Variants in STK3 observed in about 807,000 individuals in gnomAD.
STK3 encodes the protein serine/threonine-protein kinase 3.
A neutral mutation model predicts 58.0 loss-of-function variants in STK3; 41 were observed. The ratio of observed to expected loss-of-function variants is 0.71; its 90% CI spans 0.55 to 0.92. The LOEUF (loss-of-function observed/expected upper bound fraction) is 0.92. Ranked by LOEUF, STK3 falls within the 40% of genes least tolerant of loss-of-function variation. The probability of loss-of-function intolerance (pLI) is 0.00; values close to 1 mark genes in which losing one functional copy is unlikely to be tolerated. For synonymous variants in STK3, 170 were observed against 191.0 expected, an observed-to-expected ratio of 0.89 and a Z score of 0.91; for missense variants, 479 against 602.7, an observed-to-expected ratio of 0.79 and a Z score of 2.15.
chr8:98,548,632 G>C (rs934820987), intron 8 of STK3, among the ~76,000 whole-genome samples: 27 of 151,936 alleles, frequency 1.8e-4, no homozygotes, highest in Non-Finnish European at 3.5e-4. Context: ...CACCATTTTA[G>C]CAATTTTTAA....
intron 9 of STK3, among the ~76,000 whole-genome samples, chr8:98,535,262 A>C (rs1316076101): frequency 6.6e-6 from 1 of 152,170 alleles, no homozygotes; most frequent in Admixed American, 6.6e-5. Context: ...GTATTTCTAG[A>C]TAGCATTCTT....
At chr8:98,432,593 G>C (rs193277423) in intron 3 of STK3, 20 of 167,150 alleles carry the variant, frequency 1.2e-4, no homozygotes, top group African/African-American at 4.8e-4. Flanking sequence ...ACTTATCTTA[G>C]CACTCAAATA....
intron 9 of STK3, among the ~76,000 whole-genome samples, chr8:98,535,793 A>C (rs1336399558): frequency 6.6e-6 from 1 of 152,182 alleles, no homozygotes; most frequent in African/African-American, 2.4e-5. Flanking sequence ...AAAATCTCAG[A>C]AGTTGCTTTT....
In STK3 at chr8:98,914,492, A is replaced by ACACACT. The variant is rs1554701657; in HGVS notation, c.-79+27885_-79+27886insAGTGTG. 8.3e-4 allele frequency among the ~76,000 whole-genome samples: 113 copies of ACACACT among 136,382 alleles called. 1 individual carries two copies. The South Asian group carries it at 0.013, about 16-fold the overall frequency. 89.5% of individuals were successfully genotyped at this position (136,382 alleles called of 152,430 possible). ...CACACACACACACACACACACACAC[A>ACACACT]CTCTCTCTCTCTCTCTCTTCACTCT... On this transcript the variant is annotated intron_variant, in intron 1 of 1. Coordinates refer to the STK3 transcript ENST00000519420.
chr8:98,823,498 T>C (rs192038183), intron 1 of STK3, among the ~76,000 whole-genome samples: 1 of 152,230 alleles, frequency 6.6e-6, no homozygotes, highest in African/African-American at 2.4e-5. Context: ...GCCAATCAGA[T>C]GCAGAATTCT....
chr8:98,837,592 T>C (rs949498479), intron 3 of STK3, among the ~76,000 whole-genome samples: 3 of 152,128 alleles, frequency 2.0e-5, no homozygotes, highest in Non-Finnish European at 4.4e-5. Flanking sequence ...AAAGACTCCA[T>C]AAGATGAAGC....
chr8:98,492,099 CGTTT>C (rs1822745738), intron 10 of STK3, among the ~76,000 whole-genome samples: 3 of 152,118 alleles, frequency 2.0e-5, no homozygotes, highest in Admixed American at 6.6e-5. Flanking sequence ...GTACATCATT[CGTTT>C]GTTATTATTA....
At chr8:98,715,182 G>T (rs1826895362) in intron 4 of STK3, among the ~76,000 whole-genome samples, 1 of 152,150 alleles carries the variant, frequency 6.6e-6, no homozygotes, top group Admixed American at 6.5e-5. Context: ...AAAAACCCTA[G>T]AAGAAAACCT....
At chr8:98,720,937 TA>T (rs888482404) in intron 4 of STK3, 189 of 230,672 alleles carry the variant, frequency 8.2e-4, no homozygotes, top group Middle Eastern at 2.2e-3. Flanking sequence ...AAATAGGCAG[TA>T]AAAAAAAATC....
At chr8:98,764,344 A>T (rs556397074) in intron 3 of STK3, among the ~76,000 whole-genome samples, 1 of 152,310 alleles carries the variant, frequency 6.6e-6, no homozygotes, top group African/African-American at 2.4e-5. Context: ...CTCCTCATAC[A>T]TACCACACCC....
intron 6 of STK3, among the ~76,000 whole-genome samples, chr8:98,614,327 C>A (rs1817469113): frequency 6.6e-6 from 1 of 152,052 alleles, no homozygotes; most frequent in Admixed American, 6.6e-5. Context: ...AGTAGAGTCT[C>A]CAAGCACAAT....
chr8:98,698,693 C>T (rs2131011117), intron 6 of STK3, among the ~76,000 whole-genome samples: 1 of 152,300 alleles, frequency 6.6e-6, no homozygotes, highest in Non-Finnish European at 1.5e-5. Flanking sequence ...ATATTGGCCC[C>T]CACTGTCTTC....
intron 4 of STK3, among the ~76,000 whole-genome samples, chr8:98,747,007 A>G (rs1829684581): frequency 6.6e-6 from 1 of 151,642 alleles, no homozygotes. Flanking sequence ...ACACCACTGC[A>G]TTCTAGCCTG....
Position 98,571,949 on chromosome 8 carries a change from A to G in STK3, c.948+7715T>C, listed in dbSNP as rs538135959. On this transcript the variant is annotated intron_variant, in intron 8 of 10. Coordinates refer to ENST00000419617, the MANE Select transcript of STK3 (RefSeq NM_006281.4). ...ATCAGTCTTTTAAAGTGCTTTAAAA[A>G]TAGCATGTCAATGCTACATTCTATG... 2.0e-5 allele frequency among the ~76,000 whole-genome samples: 3 copies of G among 152,322 alleles called. No homozygotes were observed. The South Asian group carries it at 6.2e-4, about 32-fold the overall frequency.
intron 1 of STK3, among the ~76,000 whole-genome samples, chr8:98,941,538 A>G (rs777156554): frequency 4.6e-5 from 7 of 152,244 alleles, no homozygotes; most frequent in Non-Finnish European, 4.4e-5. Flanking sequence ...TTAAAGATTA[A>G]AAGTTTCGAG....
intron 10 of STK3, among the ~76,000 whole-genome samples, chr8:98,506,893 T>C (rs1463933019): frequency 6.6e-6 from 1 of 152,214 alleles, no homozygotes; most frequent in Non-Finnish European, 1.5e-5. Context: ...GTGGCCCTGC[T>C]ACAACTCAGG....
chr8:98,846,001 G>A (rs1408527121), intron 3 of STK3, among the ~76,000 whole-genome samples: 1 of 152,208 alleles, frequency 6.6e-6, no homozygotes, highest in Non-Finnish European at 1.5e-5. Context: ...CACAGAGCTA[G>A]GAACTGACAA....
chr8:98,460,650 TG>T (rs1819881226), intron 10 of STK3, among the ~76,000 whole-genome samples: 1 of 152,158 alleles, frequency 6.6e-6, no homozygotes, highest in South Asian at 2.1e-4. Flanking sequence ...AGAGACCTGG[TG>T]GGAGGTGACT....
chr8:98,682,883 G>A (rs1472822364), intron 6 of STK3, among the ~76,000 whole-genome samples: 1 of 151,936 alleles, frequency 6.6e-6, no homozygotes, highest in East Asian at 1.9e-4. Flanking sequence ...CCTACCCTAT[G>A]CACACCTAGC....
Sources: gnomAD v4.1 joint callset for allele counts (sites outside exome capture counted in the v4.1 genomes callset) on GRCh38, gnomAD v4.1.1 for gene constraint, MANE v1.5 for transcripts, NCBI Gene and HGNC (gene_info 2026-07-23, HGNC 2026-07-21) for gene names.